The following EPB41 variants were observed in gnomAD, a reference collection of about 807,000 sequenced individuals.
EPB41 encodes the protein protein 4.1.
A neutral mutation model predicts 108.0 loss-of-function variants in EPB41; 65 were observed. That is an observed-to-expected ratio of 0.60 (90% CI 0.49 to 0.74). The LOEUF is 0.74. Ranked by LOEUF, EPB41 falls within the 30% of genes least tolerant of loss-of-function variation. EPB41 has a pLI of 0.00. For missense variants in EPB41, 875 were observed against 1,037.0 expected (o/e 0.84, Z 2.15); for synonymous variants, 336 against 358.9 (o/e 0.94, Z 0.72).
chr1:28,981,977 G>C (rs904783075), intron 1 of EPB41, among the ~76,000 whole-genome samples: 2 of 151,746 alleles, frequency 1.3e-5, no homozygotes, highest in Non-Finnish European at 2.9e-5. Flanking sequence ...CGTGTGCCAT[G>C]TTGGTGTGCT....
chr1:28,991,338 C>T (rs924725891), intron 2 of EPB41, among the ~76,000 whole-genome samples: 7 of 151,756 alleles, frequency 4.6e-5, no homozygotes, highest in African/African-American at 1.7e-4. Flanking sequence ...GAAAACCTAC[C>T]ATGTGTGCCA....
chr1:28,904,829 C>T (rs1471056460), intron 1 of EPB41, among the ~76,000 whole-genome samples: 3 of 151,964 alleles, frequency 2.0e-5, no homozygotes, highest in East Asian at 3.9e-4. Context: ...GTCAGGAGAT[C>T]GAGACCATCC....
At chr1:29,009,598 T>C (rs1365294123) in intron 4 of EPB41, among the ~76,000 whole-genome samples, 3 of 152,178 alleles carry the variant, frequency 2.0e-5, no homozygotes, top group East Asian at 1.9e-4. Context: ...GATTGCATGG[T>C]ATAAACCAAG....
At chr1:28,978,727 A>T (rs1332698342) in intron 1 of EPB41, among the ~76,000 whole-genome samples, 1 of 151,424 alleles carries the variant, frequency 6.6e-6, no homozygotes, top group Non-Finnish European at 1.5e-5. Context: ...GAAAGAACAA[A>T]TAGAGAAGAC....
At chr1:29,093,397 G>GT (rs1263100924) in intron 16 of EPB41, among the ~76,000 whole-genome samples, 1 of 152,060 alleles carries the variant, frequency 6.6e-6, no homozygotes, top group East Asian at 1.9e-4. Flanking sequence ...TAATGGAGTT[G>GT]TTTCTTTCTT....
rs552770373 is a variant in EPB41 at position 29,109,530 on chromosome 1, A to G, written c.2415+93A>G. 1.1e-5 allele frequency: 11 copies of G among 1,046,042 alleles called. No individual in the cohort carries two copies. In the African/African-American group the frequency reaches 1.2e-4, roughly 12 times the overall value. 64.8% of individuals were successfully genotyped at this position (1,046,042 alleles called of 1,614,324 possible). A position where few individuals can be genotyped will look rare whatever the true frequency, so the allele number is the denominator to read the frequency against. ...AAGAAGGACCCTAGTCCATAAGCAA[A>G]TATTTTCAGCTCCATCCCTAGTAAG... On this transcript the variant is annotated intron_variant, in intron 18 of 20. Transcript: ENST00000343067.
intron 1 of EPB41, among the ~76,000 whole-genome samples, chr1:28,961,535 T>C (rs1264143400): frequency 6.6e-6 from 1 of 152,198 alleles, no homozygotes; most frequent in Non-Finnish European, 1.5e-5. Context: ...GGACATTGAA[T>C]AGGTGATGTT....
intron 1 of EPB41, among the ~76,000 whole-genome samples, chr1:28,930,673 C>T (rs184491344): frequency 1.2e-3 from 184 of 151,854 alleles, no homozygotes; most frequent in Non-Finnish European, 1.9e-3. Flanking sequence ...TTAGTAGAGA[C>T]GGGGTTTCAC....
At chr1:29,085,353 C>T (rs1448002365) in intron 16 of EPB41, among the ~76,000 whole-genome samples, 1 of 151,826 alleles carries the variant, frequency 6.6e-6, no homozygotes, top group Non-Finnish European at 1.5e-5. Flanking sequence ...CCATGTTGGC[C>T]AGGCTGGTTT....
At chr1:28,928,940 G>A (rs890952957) in intron 1 of EPB41, among the ~76,000 whole-genome samples, 1 of 152,130 alleles carries the variant, frequency 6.6e-6, no homozygotes, top group Non-Finnish European at 1.5e-5. Flanking sequence ...TCCTGGCTCT[G>A]GTACTGACTG....
chr1:28,905,561 AAGG>A (rs2091743428), intron 1 of EPB41, among the ~76,000 whole-genome samples: 1 of 151,838 alleles, frequency 6.6e-6, no homozygotes, highest in Non-Finnish European at 1.5e-5. Context: ...ACACAGCAAG[AAGG>A]TGACCATCTG....
chr1:28,998,198 C>G (rs1352553386), intron 4 of EPB41, among the ~76,000 whole-genome samples: 1 of 152,016 alleles, frequency 6.6e-6, no homozygotes, highest in African/African-American at 2.4e-5. Flanking sequence ...GGAGGTGATG[C>G]CTTAGCTGAG....
intron 7 of EPB41, among the ~76,000 whole-genome samples, chr1:29,025,287 A>G (rs1318212510): frequency 6.6e-6 from 1 of 152,078 alleles, no homozygotes; most frequent in Non-Finnish European, 1.5e-5. Flanking sequence ...GAGTCACATA[A>G]CACTGGAACA....
At chr1:29,030,616 A>G in intron 8 of EPB41, 129 bp downstream of exon 8, 1 of 775,544 alleles carries the variant, frequency 1.3e-6, no homozygotes, top group South Asian at 1.6e-5. Context: ...TAAAACATTC[A>G]AAAGAGATAG....
rs2150064356 is a variant in EPB41 at position 29,018,496 on chromosome 1, A to ACT, written c.1124+55_1124+56insTC. ...GTTTGTTTTGGCGATTAGTTTAAAC[A>ACT]CAACATGGTATTGGTTCATTGTTTG... On this transcript the variant is annotated intron_variant, in intron 7 of 20. Transcript: ENST00000343067. This position sits in a 1 kb window ranked among gnomAD's most constrained non-coding sequence, Gnocchi z 4.4. 7.8e-7 allele frequency: 1 copy of ACT among 1,285,270 alleles called. No homozygotes were observed. Among genetic ancestry groups the ACT allele is most frequent in the Non-Finnish European group, 1.1e-6 (1 of 949,136 alleles). 79.6% of individuals were successfully genotyped at this position (1,285,270 alleles called of 1,614,324 possible). A position where few individuals can be genotyped will look rare whatever the true frequency, so the allele number is the denominator to read the frequency against.
chr1:29,039,421 A>G lies in EPB41; in HGVS notation c.1631A>G (p.Asp544Gly). 6.2e-7 allele frequency: 1 copy of G among 1,613,972 alleles called. No individual in the cohort carries two copies. Among genetic ancestry groups the G allele is most frequent in the South Asian group, 1.1e-5 (1 of 91,068 alleles). The change falls in exon 11 of 21, where the codon GAT becomes GGT. Residue 544 changes from aspartate to glycine, a missense_variant. Transcript: ENST00000343067. ...TASKRASRSL[D>G]GAAAVDSADR... The stretch of plus-strand genomic sequence containing the variant: ...AGTAAACGGGCGTCCCGGAGCCTCG[A>G]TGGAGGTTTGTATTGAATATTAATG...
chr1:28,998,570 C>G (rs1475031833), intron 4 of EPB41, among the ~76,000 whole-genome samples: 2 of 152,150 alleles, frequency 1.3e-5, no homozygotes, highest in African/African-American at 2.4e-5. Context: ...ATGGAATTAT[C>G]CTTTTCCTAA....
At chr1:28,953,890 A>G (rs1381010487) in intron 1 of EPB41, among the ~76,000 whole-genome samples, 1 of 152,198 alleles carries the variant, frequency 6.6e-6, no homozygotes. Context: ...TTCTGATTCC[A>G]TATGTCAAGG....
rs71586878 is a variant in EPB41, at chr1:28,994,633, TTTTA to T, written c.681+1131_681+1134del. 8.7e-3 allele frequency among the ~76,000 whole-genome samples: 1,219 copies of T among 139,818 alleles called. 6 individuals are homozygous for T. The highest frequency in any genetic ancestry group is 0.017 in the East Asian group (81 of 4,750). The allele number at this position is 139,818 out of a possible 152,430, so 91.7% of individuals were successfully genotyped here. On this transcript the variant is annotated intron_variant, in intron 3 of 20. Transcript: ENST00000343067. The stretch of plus-strand genomic sequence containing the variant: ...ATTCACATATATGTGGAACAAACTA[TTTTA>T]TTTATTTATTTATTTATTTATTTAT...
Sources: allele counts gnomAD v4.1 joint callset (sites outside exome capture counted in the v4.1 genomes callset), GRCh38; gene constraint gnomAD v4.1.1; non-coding constraint Gnocchi (gnomAD v3.1); transcripts MANE v1.5; gene names NCBI Gene and HGNC (gene_info 2026-07-23, HGNC 2026-07-21).